Variants in TFAP2A observed in about 807,000 individuals in gnomAD.
TFAP2A encodes the protein transcription factor AP-2 alpha, also known as transcription factor AP-2-alpha.
Under a neutral mutation model 41.5 loss-of-function variants are expected in TFAP2A, and 7 were observed. The ratio of observed to expected loss-of-function variants is 0.17; its 90% CI spans 0.10 to 0.32. TFAP2A has a LOEUF of 0.32. TFAP2A is among the 10% of genes least tolerant of loss of function. TFAP2A has a pLI of 1.00. For missense variants in TFAP2A, 416 were observed against 563.3 expected (o/e 0.74, Z 2.65); for synonymous variants, 247 against 242.8 (o/e 1.02, Z -0.16).
chr6:10,408,975 G>A (rs1757833876), intron 2 of TFAP2A: 1 of 152,172 alleles, frequency 6.6e-6, no homozygotes, highest in East Asian at 1.9e-4. Context: ...AGCTTTAACA[G>A]AAGCCTTTAC....
At chr6:10,409,692 C>T in intron 2 of TFAP2A, 2 of 602,878 alleles carry the variant, frequency 3.3e-6, no homozygotes, top group East Asian at 2.8e-5. Context: ...TTTGAGGGAG[C>T]TCCAGAAACC....
At position 10,398,345 on chromosome 6, in the gene TFAP2A, G is replaced by C; in HGVS notation, c.*72C>G. On this transcript the variant is annotated 3_prime_UTR_variant, in exon 7 of 7. Coordinates refer to ENST00000379613, the MANE Select transcript of TFAP2A (RefSeq NM_001372066.1). The surrounding 1 kb of genome is among the most constrained non-coding windows in gnomAD (Gnocchi z 5.3). The stretch of plus-strand genomic sequence containing the variant: ...AGCAGGAAGGGTTGCTGATCCCGGA[G>C]CTGTCACCCGCCGGAGGGTGGGCGC... 3 of 1,606,314 alleles carry C rather than the reference G, an allele frequency of 1.9e-6. No individual in the cohort carries two copies. Among genetic ancestry groups the C allele is most frequent in the Non-Finnish European group, 2.5e-6 (3 of 1,178,220 alleles).
rs1471783636 is a variant in TFAP2A, at chr6:10,397,878, C to T, written c.*539G>A. 3.0e-6 allele frequency: 3 copies of T among 986,380 alleles called. No homozygotes were observed. The highest frequency in any genetic ancestry group is 3.6e-6 in the Non-Finnish European group (3 of 831,866). 61.1% of individuals were successfully genotyped at this position (986,380 alleles called of 1,614,324 possible). On this transcript the variant is annotated 3_prime_UTR_variant, in exon 7 of 7. Coordinates refer to ENST00000379613, the MANE Select transcript of TFAP2A (RefSeq NM_001372066.1). ...TCGTGTATTTGTGTTCAAGTTTATT[C>T]ACAATACTGATAAAAATGTTGTCAT...
chr6:10,412,414 G>C (rs1442206767), intron 1 of TFAP2A: 2 of 297,826 alleles, frequency 6.7e-6, no homozygotes, highest in African/African-American at 2.3e-5. Flanking sequence ...GGAGCCCCGG[G>C]TGGGGAGAGG....
At position 10,409,996 on chromosome 6, in the gene TFAP2A, G is replaced by T. The variant is rs992510243; in HGVS notation, c.391C>A (p.Arg131=). Residue 131 remains arginine, a synonymous_variant, in exon 2 of 7, where the codon CGG becomes AGG. Coordinates refer to ENST00000379613, the MANE Select transcript of TFAP2A (RefSeq NM_001372066.1). ...GGGCCGTGCAGGAGGTCCTCGTGCC[G>T]CCTGTAGTCCCTGCGAGGATCCAGG... The part of the protein sequence containing the change: ...SGLDPRRDYR[R]HEDLLHGPHA... 5.6e-6 allele frequency: 9 copies of T among 1,607,816 alleles called. No individual in the cohort carries two copies. The African/African-American group carries it at 6.7e-5, about 12-fold the overall frequency.
chr6:10,399,169 T>G (rs1417439875), intron 6 of TFAP2A, among the ~76,000 whole-genome samples: 1 of 152,130 alleles, frequency 6.6e-6, no homozygotes, highest in Non-Finnish European at 1.5e-5. Context: ...TCAGCAGCAG[T>G]TTGTAGAATG....
At position 10,398,494 on chromosome 6, in the gene TFAP2A, A is replaced by C; in HGVS notation, c.1243T>G (p.Tyr415Asp). The change falls in exon 7 of 7, where the codon TAC (tyrosine) becomes GAC (aspartate). Residue 415 changes from tyrosine to aspartate, a missense_variant. This residue lies in a region of TFAP2A where 116 missense variants were observed against 153.8 expected (regional missense o/e 0.75). Transcript: ENST00000379613. This position sits in a 1 kb window ranked among gnomAD's most constrained non-coding sequence, Gnocchi z 5.3. ...TEALKAMDKM[Y>D]LSNNPNSHTD... ...TGGCTGTTGGGGTTGTTGCTGAGGTACATTTTGTCCATGGCCTTGAGGGCC... is the reference window on the plus strand; with the variant it reads ...TGGCTGTTGGGGTTGTTGCTGAGGTCCATTTTGTCCATGGCCTTGAGGGCC... 1.2e-6 allele frequency: 2 copies of C among 1,614,108 alleles called. No homozygotes were observed. The highest frequency in any genetic ancestry group is 1.7e-6 in the Non-Finnish European group (2 of 1,180,016).
At chr6:10,402,215 G>A in intron 5 of TFAP2A, 1 of 518,800 alleles carries the variant, frequency 1.9e-6, no homozygotes, top group Non-Finnish European at 3.8e-6. Flanking sequence ...CAAACTTGGA[G>A]AATGTGCAGT....
intron 1 of TFAP2A, chr6:10,412,679 C>T: frequency 2.9e-6 from 1 of 342,046 alleles, no homozygotes; most frequent in Non-Finnish European, 6.0e-6. Context: ...GGGCTCTCGG[C>T]GCGGCAGGCG....
chr6:10,404,444 C>T, intron 4 of TFAP2A, 64 bp downstream of exon 4: 1 of 1,245,820 alleles, frequency 8.0e-7, no homozygotes, highest in Non-Finnish European at 1.0e-6. Context: ...GCCACCGCCC[C>T]GGCGCAAGCG....
rs1328138243 is a variant in TFAP2A, at chr6:10,398,275, G to GGCA, written c.*139_*141dup. On this transcript the variant is annotated 3_prime_UTR_variant, in exon 7 of 7. Transcript: ENST00000379613. This position sits in a 1 kb window ranked among gnomAD's most constrained non-coding sequence, Gnocchi z 5.3. ...TCCCGGAGACTCGGGGGGACCCAAG[G>GGCA]GCAGCGGCGGCGGCGGCGGCGGCAG... is the stretch of plus-strand genomic sequence containing the variant. 2 of 1,568,100 alleles carry GGCA rather than the reference G, an allele frequency of 1.3e-6. No homozygotes were observed. Among genetic ancestry groups the GGCA allele is most frequent in the African/African-American group, 2.7e-5 (2 of 74,232 alleles).
In TFAP2A at chr6:10,404,684, G is replaced by A; in HGVS notation, c.594C>T (p.Asn198=). The A allele has an allele frequency of 4.3e-6, 7 of 1,614,200 alleles. No individual in the cohort carries two copies. Among genetic ancestry groups the A allele is most frequent in the Non-Finnish European group, 5.9e-6 (7 of 1,180,024 alleles). ...CCACGCCGCCGAAGAGGTTGTCCTT[G>A]TTAATAGGGATGGCGGAGACGGCAT... ...NSNAVSAIPI[N]KDNLFGGVVN... The change falls in exon 4 of 7, where the codon AAC becomes AAT. Residue 198 remains asparagine (N), a synonymous_variant. Coordinates refer to ENST00000379613, the MANE Select transcript of TFAP2A (RefSeq NM_001372066.1).
intron 1 of TFAP2A, chr6:10,412,579 A>G: frequency 5.2e-6 from 1 of 191,106 alleles, no homozygotes; most frequent in Non-Finnish European, 1.1e-5. Context: ...GAGGACAATC[A>G]GACCTAAAAG....
intron 1 of TFAP2A, 49 bp from the exon 2 acceptor site, chr6:10,410,384 G>C: frequency 2.6e-6 from 4 of 1,537,718 alleles, no homozygotes; most frequent in Non-Finnish European, 3.5e-6. Context: ...CAGGCGTCGA[G>C]CTACAACTAT....
In TFAP2A at chr6:10,396,710, A is replaced by T. The variant is rs1321895923; in HGVS notation, c.*1707T>A. On this transcript the variant is annotated 3_prime_UTR_variant, in exon 7 of 7. Transcript: ENST00000379613. ...AATAAAATAAAACTTTATTTTTAAT[A>T]ATAAAATTAATGTTTCTAGTAAGGA... 2.0e-5 allele frequency: 3 copies of T among 152,536 alleles called. No homozygotes were observed. Among genetic ancestry groups the T allele is most frequent in the Non-Finnish European group, 2.9e-5 (2 of 68,030 alleles). The allele number at this position is 152,536 out of a possible 1,614,324, so 9.4% of individuals were successfully genotyped here. A position where few individuals can be genotyped will look rare whatever the true frequency, so the allele number is the denominator to read the frequency against.
At chr6:10,399,599 CCT>C (rs892688937) in intron 6 of TFAP2A, among the ~76,000 whole-genome samples, 1 of 152,176 alleles carries the variant, frequency 6.6e-6, no homozygotes, top group Admixed American at 6.5e-5. Flanking sequence ...GAATGAGGAG[CCT>C]GGGCTGGCTC....
intron 2 of TFAP2A, among the ~76,000 whole-genome samples, chr6:10,408,482 A>T (rs1757814304): frequency 6.6e-6 from 1 of 152,254 alleles, no homozygotes; most frequent in Non-Finnish European, 1.5e-5. Flanking sequence ...CAAGGAAAAG[A>T]TTCAGAGTGC....
At chr6:10,399,309 T>C (rs998028402) in intron 6 of TFAP2A, among the ~76,000 whole-genome samples, 5 of 152,234 alleles carry the variant, frequency 3.3e-5, no homozygotes, top group Non-Finnish European at 5.9e-5. Flanking sequence ...ACACAAGCCC[T>C]GTTACTTGGA....
At chr6:10,406,902 T>G in intron 2 of TFAP2A, 58 bp from the exon 3 acceptor site, 18 of 1,295,214 alleles carry the variant, frequency 1.4e-5, no homozygotes, top group Non-Finnish European at 1.8e-5. Flanking sequence ...AGGAAATGAA[T>G]ATTCCCTGCA....
Sources: allele counts gnomAD v4.1 joint callset (sites outside exome capture counted in the v4.1 genomes callset), GRCh38; gene constraint gnomAD v4.1.1; regional missense constraint gnomAD v4.1.1; non-coding constraint Gnocchi (gnomAD v3.1); transcripts MANE v1.5; gene names NCBI Gene and HGNC (gene_info 2026-07-23, HGNC 2026-07-21).